Variants in EFEMP1 observed in about 807,000 individuals in gnomAD.
EFEMP1 encodes the protein EGF-like fibulin extracellular matrix protein 1, also known as EGF-containing fibulin-like extracellular matrix protein 1.
EFEMP1 carries 18 observed loss-of-function variants against 65.7 expected under a neutral mutation model. That is an observed-to-expected ratio of 0.27 (90% CI 0.19 to 0.41). The LOEUF (loss-of-function observed/expected upper bound fraction) is 0.41, where lower values mean the gene tolerates loss of function less well. Ranked by LOEUF, EFEMP1 falls within the 10% of genes least tolerant of loss-of-function variation. The probability of loss-of-function intolerance (pLI) is 1.00; values close to 1 mark genes in which losing one functional copy is unlikely to be tolerated. For synonymous variants in EFEMP1, 237 were observed against 219.7 expected, an observed-to-expected ratio of 1.08 and a Z score of -0.70; for missense variants, 469 against 624.8, an observed-to-expected ratio of 0.75 and a Z score of 2.66.
rs1397685529 is a variant in EFEMP1, at chr2:55,916,404, C to T, written c.517+1261G>A. 4.6e-5 allele frequency among the ~76,000 whole-genome samples: 7 copies of T among 152,222 alleles called. No homozygotes were observed. In the East Asian group the frequency reaches 1.3e-3, roughly 29 times the overall value. On this transcript the variant is annotated intron_variant, in intron 5 of 11. Transcript: ENST00000355426. ...GGATTACAGGCGTGAGCCACCGTGC[C>T]CAGCCCCTTGCTTCATTTTTAAGCC... is the stretch of plus-strand genomic sequence containing the variant.
intron 3 of EFEMP1, among the ~76,000 whole-genome samples, 153 bp from the exon 4 acceptor site, chr2:55,918,420 CT>C (rs983324158): frequency 2.0e-5 from 3 of 151,798 alleles, no homozygotes; most frequent in Non-Finnish European, 2.9e-5. Context: ...CATTCTATCG[CT>C]TTTTTTTCAA....
chr2:55,892,530 T>C (rs1669668104), intron 5 of EFEMP1, among the ~76,000 whole-genome samples: 1 of 130,804 alleles, frequency 7.6e-6, no homozygotes, highest in Non-Finnish European at 1.5e-5. Context: ...CTCATCTTTC[T>C]GGATAGGATT....
intron 5 of EFEMP1, among the ~76,000 whole-genome samples, chr2:55,904,440 A>G (rs1670166178): frequency 6.6e-6 from 1 of 152,168 alleles, no homozygotes; most frequent in Admixed American, 6.5e-5. Context: ...CTGTTAAAAT[A>G]TTATTTCTGA....
chr2:55,901,309 G>A (rs1385885852), intron 5 of EFEMP1, among the ~76,000 whole-genome samples: 1 of 152,200 alleles, frequency 6.6e-6, no homozygotes, highest in Non-Finnish European at 1.5e-5. Flanking sequence ...GAGTTTTTAT[G>A]CTTGTCCTTA....
At position 55,906,731 on chromosome 2, in the gene EFEMP1, A is replaced by G. The variant is rs1472032221; in HGVS notation, c.517+10934T>C. Among the ~76,000 whole-genome samples the G allele has an allele frequency of 3.9e-5, 6 of 152,214 alleles. No individual in the cohort carries two copies. In the East Asian group the frequency reaches 7.7e-4, roughly 20 times the overall value. On this transcript the variant is annotated intron_variant, in intron 5 of 11. Coordinates refer to ENST00000355426, the MANE Select transcript of EFEMP1 (RefSeq NM_001039348.3). ...TTCTATTTCAGACTACTTCCTGACTATATAATTTACCAAAGTCTGAAGAAT... is the reference window on the plus strand; with the variant it reads ...TTCTATTTCAGACTACTTCCTGACTGTATAATTTACCAAAGTCTGAAGAAT...
chr2:55,868,738 A>T (rs930908929), intron 11 of EFEMP1, among the ~76,000 whole-genome samples: 1 of 152,142 alleles, frequency 6.6e-6, no homozygotes, highest in Non-Finnish European at 1.5e-5. Context: ...ACACAATAAT[A>T]TTTAAAGCTC....
chr2:55,889,777 A>G (rs1230132518), intron 5 of EFEMP1, among the ~76,000 whole-genome samples: 9 of 151,844 alleles, frequency 5.9e-5, no homozygotes, highest in African/African-American at 9.7e-5. Context: ...TTGATAAGTC[A>G]TGGATGCATG....
intron 5 of EFEMP1, among the ~76,000 whole-genome samples, chr2:55,900,578 C>T (rs939804785): frequency 1.3e-5 from 2 of 152,144 alleles, no homozygotes; most frequent in African/African-American, 4.8e-5. Flanking sequence ...AATGTTTGGT[C>T]TATTTCTATC....
At chr2:55,918,123 T>A in intron 4 of EFEMP1, 72 bp from the exon 5 acceptor site, 1 of 1,613,286 alleles carries the variant, frequency 6.2e-7, no homozygotes, top group East Asian at 2.2e-5. Flanking sequence ...ATAATGCTCA[T>A]GCCTTTTTGG....
Position 55,910,938 on chromosome 2 carries a change from C to T in EFEMP1, c.517+6727G>A, listed in dbSNP as rs538448576. ...TTTTGTGGTTCTACACAAACCGAAC[C>T]GCTACAGCATTGCCTCATCTCACAA... is the stretch of plus-strand genomic sequence containing the variant. On this transcript the variant is annotated intron_variant, in intron 5 of 11. Coordinates refer to ENST00000355426, the MANE Select transcript of EFEMP1 (RefSeq NM_001039348.3). 7.9e-5 allele frequency among the ~76,000 whole-genome samples: 12 copies of T among 152,136 alleles called. No individual in the cohort carries two copies. In the East Asian group the frequency reaches 2.1e-3, roughly 27 times the overall value.
intron 3 of EFEMP1, among the ~76,000 whole-genome samples, chr2:55,920,215 C>G (rs1027892806): frequency 6.6e-6 from 1 of 152,206 alleles, no homozygotes; most frequent in African/African-American, 2.4e-5. Flanking sequence ...CCAAGGTCAT[C>G]ACTTCCTTCA....
intron 5 of EFEMP1, among the ~76,000 whole-genome samples, chr2:55,908,941 C>G (rs780087057): frequency 6.6e-6 from 1 of 152,098 alleles, no homozygotes; most frequent in African/African-American, 2.4e-5. Context: ...AGGAATAACA[C>G]CAACCTGTTT....
intron 5 of EFEMP1, among the ~76,000 whole-genome samples, chr2:55,901,751 G>A (rs1670043141): frequency 6.6e-6 from 1 of 152,186 alleles, no homozygotes; most frequent in Non-Finnish European, 1.5e-5. Context: ...ATTCACACCA[G>A]GGGCTTGTTT....
chr2:55,909,726 C>T (rs1572841446), intron 5 of EFEMP1, among the ~76,000 whole-genome samples: 3 of 152,288 alleles, frequency 2.0e-5, no homozygotes, highest in Non-Finnish European at 2.9e-5. Context: ...AATTGTGGTG[C>T]TACCTGTGTC....
rs571288393 is a variant in EFEMP1 at position 55,883,992 on chromosome 2, C to T, written c.518-2258G>A. ...CCAAACAAAGCTGCAACAAGACTTG[C>T]CTCACCTAGGACTGACTGGTGATTA... On this transcript the variant is annotated intron_variant, in intron 5 of 11. Transcript: ENST00000355426. This position sits in a 1 kb window ranked among gnomAD's most constrained non-coding sequence, Gnocchi z 4.5. 1.9e-4 allele frequency among the ~76,000 whole-genome samples: 29 copies of T among 152,302 alleles called. No homozygotes were observed. The highest frequency in any genetic ancestry group is 1.6e-3 in the Admixed American group (25 of 15,300).
At chr2:55,891,279 G>A (rs1669618061) in intron 5 of EFEMP1, among the ~76,000 whole-genome samples, 3 of 152,064 alleles carry the variant, frequency 2.0e-5, no homozygotes, top group Admixed American at 2.0e-4. Flanking sequence ...ATTCAATGTG[G>A]ATCCCAGCAG....
intron 5 of EFEMP1, among the ~76,000 whole-genome samples, chr2:55,902,028 T>C (rs1443749434): frequency 1.3e-5 from 2 of 152,202 alleles, no homozygotes; most frequent in Non-Finnish European, 2.9e-5. Flanking sequence ...GAGTGGATCT[T>C]TTCCAGTCGA....
In EFEMP1 at chr2:55,871,195, C is replaced by G; in HGVS notation, c.1001-72G>C. ...TGATCTAATTAAATCATATAACTGG[C>G]AGATTCTGTTTGCAAGGAAGGAGGT... On this transcript the variant is annotated intron_variant, in intron 9 of 11. Transcript: ENST00000355426. The surrounding 1 kb of genome is among the most constrained non-coding windows in gnomAD (Gnocchi z 4.2). The G allele has an allele frequency of 6.2e-7, 1 of 1,603,530 alleles. No individual in the cohort carries two copies. The highest frequency in any genetic ancestry group is 8.5e-7 in the Non-Finnish European group (1 of 1,175,534).
intron 9 of EFEMP1, among the ~76,000 whole-genome samples, chr2:55,872,140 G>T: frequency 6.6e-6 from 1 of 152,162 alleles, no homozygotes; most frequent in African/African-American, 2.4e-5. Context: ...CTTTACATTT[G>T]AATAGTGATT....
Sources: allele counts gnomAD v4.1 joint callset (sites outside exome capture counted in the v4.1 genomes callset), GRCh38; gene constraint gnomAD v4.1.1; non-coding constraint Gnocchi (gnomAD v3.1); transcripts MANE v1.5; gene names NCBI Gene and HGNC (gene_info 2026-07-23, HGNC 2026-07-21).